PHLPP1: variants seen among roughly 807,000 people sequenced by gnomAD.
PHLPP1 encodes the protein PH domain leucine-rich repeat-containing protein phosphatase 1.
PHLPP1 carries 42 observed loss-of-function variants against 117.2 expected under a neutral mutation model. That is an observed-to-expected ratio of 0.36 (90% CI 0.28 to 0.46). The LOEUF is 0.46. Ranked by LOEUF, PHLPP1 falls within the 20% of genes least tolerant of loss-of-function variation. PHLPP1 has a pLI of 1.00. For synonymous variants in PHLPP1, 1,042 were observed against 970.7 expected, an observed-to-expected ratio of 1.07 and a Z score of -1.37; for missense variants, 2,084 against 2,241.9, an observed-to-expected ratio of 0.93 and a Z score of 1.42.
At chr18:62,924,108 C>T (rs1309560658) in intron 10 of PHLPP1, among the ~76,000 whole-genome samples, 1 of 152,092 alleles carries the variant, frequency 6.6e-6, no homozygotes, top group African/African-American at 2.4e-5. Flanking sequence ...GAAAATTACA[C>T]GGTTGGTCTA....
At chr18:62,827,182 C>A (rs1284779558) in intron 1 of PHLPP1, among the ~76,000 whole-genome samples, 1 of 152,156 alleles carries the variant, frequency 6.6e-6, no homozygotes, top group East Asian at 1.9e-4. Context: ...TTTCAAATCA[C>A]TCTCTGTTGT....
intron 1 of PHLPP1, among the ~76,000 whole-genome samples, chr18:62,727,010 C>T (rs911668311): frequency 8.6e-5 from 13 of 150,630 alleles, no homozygotes; most frequent in Non-Finnish European, 3.0e-5. Context: ...GGTGGATCAC[C>T]TGAGGCCAGG....
intron 1 of PHLPP1, among the ~76,000 whole-genome samples, chr18:62,778,437 G>T (rs1473804727): frequency 1.3e-5 from 2 of 152,178 alleles, no homozygotes; most frequent in Admixed American, 6.5e-5. Flanking sequence ...AATAGCTTCT[G>T]TTGAACCGGC....
intron 4 of PHLPP1, among the ~76,000 whole-genome samples, chr18:62,893,764 T>G (rs1916485545): frequency 6.6e-6 from 1 of 152,140 alleles, no homozygotes; most frequent in Non-Finnish European, 1.5e-5. Flanking sequence ...TAGAGGTCGT[T>G]GATAGGCCAA....
At chr18:62,922,132 G>C (rs1192809791) in intron 10 of PHLPP1, among the ~76,000 whole-genome samples, 1 of 151,756 alleles carries the variant, frequency 6.6e-6, no homozygotes, top group East Asian at 1.9e-4. Context: ...TTGTTTGTTT[G>C]TTTGTTTGTT....
At position 62,829,379 on chromosome 18, in the gene PHLPP1, G is replaced by A. The variant is rs551482638; in HGVS notation, c.1577-656G>A. On this transcript the variant is annotated intron_variant, in intron 1 of 16. Transcript: ENST00000262719. ...CTCAGGCTATAATACTTTCTTCTTAGTGTATTTAAATCTAACCATTCATAA... is the reference window on the plus strand; with the variant it reads ...CTCAGGCTATAATACTTTCTTCTTAATGTATTTAAATCTAACCATTCATAA... 1.2e-4 allele frequency among the ~76,000 whole-genome samples: 19 copies of A among 152,268 alleles called. No individual in the cohort carries two copies. In the East Asian group the frequency reaches 3.7e-3, roughly 29 times the overall value.
chr18:62,793,154 A>G (rs1913513008), intron 1 of PHLPP1, among the ~76,000 whole-genome samples: 2 of 151,738 alleles, frequency 1.3e-5, no homozygotes, highest in East Asian at 1.9e-4. Flanking sequence ...CAGCCTGGGC[A>G]ACAGAGCGAG....
At chr18:62,734,055 A>G (rs548835591) in intron 1 of PHLPP1, among the ~76,000 whole-genome samples, 14 of 152,370 alleles carry the variant, frequency 9.2e-5, no homozygotes, top group South Asian at 2.1e-4. Context: ...GCAAATGTGC[A>G]TGTGCTGGAG....
chr18:62,778,607 G>T (rs17732948), intron 1 of PHLPP1, among the ~76,000 whole-genome samples: 8,652 of 152,218 alleles, frequency 0.057, 342 homozygotes, highest in Middle Eastern at 0.088. Flanking sequence ...CTATTTAAGT[G>T]TAAGATTACA....
intron 4 of PHLPP1, among the ~76,000 whole-genome samples, chr18:62,888,501 G>A (rs188454738): frequency 9.3e-4 from 141 of 152,178 alleles, no homozygotes; most frequent in Middle Eastern, 3.4e-3. Context: ...AGGCCCTTGA[G>A]GCCAGCCTGG....
intron 4 of PHLPP1, among the ~76,000 whole-genome samples, chr18:62,869,208 T>C (rs1305916800): frequency 6.6e-6 from 1 of 152,290 alleles, no homozygotes. Context: ...GCAGTTTCCC[T>C]GTTTGTCATG....
chr18:62,813,238 T>C (rs1914174595), intron 1 of PHLPP1, among the ~76,000 whole-genome samples: 1 of 152,220 alleles, frequency 6.6e-6, no homozygotes, highest in Non-Finnish European at 1.5e-5. Context: ...TTCAAAATTG[T>C]AATGAAACCC....
chr18:62,914,212 G>T (rs1202917111), intron 8 of PHLPP1, among the ~76,000 whole-genome samples: 2 of 152,042 alleles, frequency 1.3e-5, no homozygotes, highest in African/African-American at 4.8e-5. Context: ...GATGACAGCT[G>T]GAGTTGGGAA....
At chr18:62,855,477 T>G (rs1915470649) in intron 3 of PHLPP1, among the ~76,000 whole-genome samples, 1 of 152,206 alleles carries the variant, frequency 6.6e-6, no homozygotes, top group Non-Finnish European at 1.5e-5. Flanking sequence ...TAGAAGCACT[T>G]AAATCTCCCA....
intron 2 of PHLPP1, among the ~76,000 whole-genome samples, chr18:62,836,568 T>C (rs1914909070): frequency 6.6e-6 from 1 of 152,012 alleles, no homozygotes; most frequent in Non-Finnish European, 1.5e-5. Context: ...TTCCTTTCTG[T>C]TACTGTTCTC....
rs577835024 is a variant in PHLPP1, at chr18:62,771,151, T to G, written c.1576+53892T>G. 2.0e-5 allele frequency among the ~76,000 whole-genome samples: 3 copies of G among 150,544 alleles called. No individual in the cohort carries two copies. The South Asian group carries it at 6.4e-4, about 32-fold the overall frequency. On this transcript the variant is annotated intron_variant, in intron 1 of 16. Transcript: ENST00000262719. ...ATCGCTTGAACCCGGGAGGTGGAGG[T>G]TGCAGTGAGCCGAGATTGCGCCATT...
chr18:62,867,949 T>C (rs1221365447), intron 4 of PHLPP1, among the ~76,000 whole-genome samples: 1 of 151,932 alleles, frequency 6.6e-6, no homozygotes, highest in East Asian at 1.9e-4. Flanking sequence ...GTAGCTGGGA[T>C]TACAGGCGCC....
At chr18:62,936,529 T>C (rs1328526912) in intron 10 of PHLPP1, among the ~76,000 whole-genome samples, 6 of 152,208 alleles carry the variant, frequency 3.9e-5, no homozygotes, top group Non-Finnish European at 2.9e-5. Context: ...AAGAAAAAAT[T>C]ATTACTTTGC....
intron 1 of PHLPP1, among the ~76,000 whole-genome samples, chr18:62,815,218 C>A (rs1442058170): frequency 3.4e-5 from 5 of 147,948 alleles, no homozygotes; most frequent in African/African-American, 1.0e-4. Context: ...AGTGCAGTGG[C>A]GCGATCTCTG....
Sources: allele counts gnomAD v4.1 joint callset (sites outside exome capture counted in the v4.1 genomes callset), GRCh38; gene constraint gnomAD v4.1.1; transcripts MANE v1.5; gene names NCBI Gene and HGNC (gene_info 2026-07-23, HGNC 2026-07-21).